The following LIPA variants were observed in gnomAD, a reference collection of about 807,000 sequenced individuals.
LIPA encodes lipase A, lysosomal acid type, also known as lysosomal acid lipase/cholesteryl ester hydrolase.
In LIPA, 26 loss-of-function variants were observed where a neutral mutation model predicts 40.6. The observed-to-expected ratio is 0.64, with a 90% CI of 0.47 to 0.89. The LOEUF is 0.89. LIPA is among the 40% of genes least tolerant of loss of function. LIPA has a pLI of 0.00. For synonymous variants in LIPA, 188 were observed against 168.4 expected (o/e 1.12, Z -0.90); for missense variants, 455 against 479.6 (o/e 0.95, Z 0.48).
At chr10:89,346,141 A>C (rs1843919141), upstream of LIPA, among the ~76,000 whole-genome samples, 1 of 152,182 alleles carries the variant, frequency 6.6e-6, no homozygotes, top group Admixed American at 6.5e-5. Flanking sequence ...TGCCAAGAGA[A>C]AATAATTGTC....
chr10:89,297,839 C>T (rs1843423893), intron 1 of LIPA, among the ~76,000 whole-genome samples: 1 of 152,208 alleles, frequency 6.6e-6, no homozygotes, highest in African/African-American at 2.4e-5. Flanking sequence ...CTACCAGAGG[C>T]TGGGGCAGGG....
intron 1 of LIPA, among the ~76,000 whole-genome samples, chr10:89,312,888 G>A (rs1387899291): frequency 1.3e-5 from 2 of 151,988 alleles, no homozygotes; most frequent in Non-Finnish European, 2.9e-5. Flanking sequence ...GGGGCTTAGA[G>A]TGCATGCTTT....
chr10:89,413,236 T>C (rs1170331294), intron 1 of LIPA, among the ~76,000 whole-genome samples: 2 of 152,230 alleles, frequency 1.3e-5, no homozygotes, highest in Admixed American at 1.3e-4. Flanking sequence ...AAATGTAAGT[T>C]TTCTATTAAC....
intron 2 of LIPA, among the ~76,000 whole-genome samples, chr10:89,410,868 G>T (rs755973854): frequency 6.6e-6 from 1 of 152,174 alleles, no homozygotes; most frequent in African/African-American, 2.4e-5. Context: ...ACTGGCAGAG[G>T]CAGGGAAACA....
At chr10:89,318,345 G>A (rs1843553329) in intron 1 of LIPA, among the ~76,000 whole-genome samples, 1 of 152,064 alleles carries the variant, frequency 6.6e-6, no homozygotes, top group African/African-American at 2.4e-5. Flanking sequence ...GACACACATA[G>A]GCTAAAAATA....
At chr10:89,223,970 C>A in intron 6 of LIPA, 140 bp from the exon 7 acceptor site, 1 of 805,380 alleles carries the variant, frequency 1.2e-6, no homozygotes, top group Non-Finnish European at 2.1e-6. Flanking sequence ...CAGTGGACAT[C>A]AAATCAGGAT....
upstream of LIPA, among the ~76,000 whole-genome samples, chr10:89,256,585 GC>G (rs1228800342): frequency 2.0e-5 from 3 of 152,210 alleles, no homozygotes; most frequent in Non-Finnish European, 4.4e-5. Context: ...AGATTGAGCA[GC>G]ATTTCTGTGT....
At chr10:89,306,495 T>A in intron 1 of LIPA, 2 of 1,614,056 alleles carry the variant, frequency 1.2e-6, no homozygotes, top group Non-Finnish European at 1.7e-6. Context: ...GGACTGGCAA[T>A]AGCAAGCTAC....
chr10:89,340,051 G>C (rs763666885), intron 1 of LIPA: 25 of 1,614,012 alleles, frequency 1.5e-5, no homozygotes, highest in Non-Finnish European at 2.0e-5. Flanking sequence ...GCTTGAGGAT[G>C]GTAGTGAGGA....
chr10:89,339,739 C>T (rs762070127), intron 1 of LIPA: 21 of 1,614,068 alleles, frequency 1.3e-5, no homozygotes, highest in Non-Finnish European at 1.7e-5. Flanking sequence ...ACAATCCCAT[C>T]AGCGCTACTG....
At chr10:89,374,939 C>G (rs1447588910) in intron 2 of LIPA, among the ~76,000 whole-genome samples, 1 of 152,172 alleles carries the variant, frequency 6.6e-6, no homozygotes, top group Non-Finnish European at 1.5e-5. Context: ...GCCTGAAGCT[C>G]AGAACAGGAC....
At chr10:89,259,874 G>T (rs996636319) in intron 1 of LIPA, among the ~76,000 whole-genome samples, 1 of 152,110 alleles carries the variant, frequency 6.6e-6, no homozygotes, top group South Asian at 2.1e-4. Flanking sequence ...TCCTGGAGAG[G>T]GGACATTTTT....
At chr10:89,414,003 C>T (rs1014322632) in intron 1 of LIPA, among the ~76,000 whole-genome samples, 3 of 152,172 alleles carry the variant, frequency 2.0e-5, no homozygotes, top group Non-Finnish European at 4.4e-5. Context: ...CTGCCTAGAT[C>T]CCCAATACCA....
At chr10:89,262,648 T>A (rs1183845568) in intron 1 of LIPA, among the ~76,000 whole-genome samples, 1 of 152,228 alleles carries the variant, frequency 6.6e-6, no homozygotes, top group Non-Finnish European at 1.5e-5. Flanking sequence ...TCTGGGAGTA[T>A]GTAAGAAATG....
At chr10:89,265,244 GC>G (rs1843229766) in intron 1 of LIPA, among the ~76,000 whole-genome samples, 1 of 152,088 alleles carries the variant, frequency 6.6e-6, no homozygotes, top group Non-Finnish European at 1.5e-5. Flanking sequence ...GGGGTCCTGG[GC>G]CCCCAAACTG....
upstream of LIPA, among the ~76,000 whole-genome samples, chr10:89,343,515 G>A (rs1044285014): frequency 6.6e-6 from 1 of 152,158 alleles, no homozygotes; most frequent in African/African-American, 2.4e-5. Flanking sequence ...GTTCACTCCA[G>A]GGGAGAAAGA....
intron 1 of LIPA, among the ~76,000 whole-genome samples, chr10:89,268,811 C>T (rs1239109660): frequency 6.6e-6 from 1 of 151,544 alleles, no homozygotes; most frequent in Non-Finnish European, 1.5e-5. Context: ...ACAGTGAAAC[C>T]CTGTCTCTAC....
intron 1 of LIPA, chr10:89,328,136 G>A (rs932694769): frequency 1.3e-6 from 2 of 1,515,884 alleles, no homozygotes; most frequent in Admixed American, 1.7e-5. Context: ...TGTAAGTTGA[G>A]TTTCTTACTG....
intron 1 of LIPA, among the ~76,000 whole-genome samples, chr10:89,336,128 G>A (rs1843734934): frequency 6.6e-6 from 1 of 150,576 alleles, no homozygotes; most frequent in African/African-American, 2.4e-5. Context: ...AAGGAAGGAA[G>A]GGAGGAAAGA....
Sources: allele counts gnomAD v4.1 joint callset (sites outside exome capture counted in the v4.1 genomes callset), GRCh38; gene constraint gnomAD v4.1.1; transcripts MANE v1.5; gene names NCBI Gene and HGNC (gene_info 2026-07-23, HGNC 2026-07-21).